Variants in GPHN observed in about 807,000 individuals in gnomAD.
The protein encoded by GPHN is gephyrin.
Under a neutral mutation model 95.5 loss-of-function variants are expected in GPHN, and 17 were observed. The observed-to-expected ratio is 0.18, with a 90% CI of 0.12 to 0.27. The LOEUF is 0.27. Among genes scored for constraint, GPHN ranks in the 10% least tolerant of loss-of-function variants. The pLI, the probability that GPHN is intolerant of heterozygous loss-of-function variation, is 1.00. For synonymous variants in GPHN, 320 were observed against 322.5 expected, an observed-to-expected ratio of 0.99 and a Z score of 0.08; for missense variants, 660 against 978.1, an observed-to-expected ratio of 0.67 and a Z score of 4.34.
chr14:67,017,115 A>G (rs1031702413), intron 9 of GPHN, among the ~76,000 whole-genome samples: 6 of 152,096 alleles, frequency 3.9e-5, no homozygotes, highest in African/African-American at 1.4e-4. Flanking sequence ...GCTGCCTTTC[A>G]TGTCATAAAA....
At chr14:66,717,208 T>C (rs1178025415) in intron 2 of GPHN, among the ~76,000 whole-genome samples, 5 of 152,200 alleles carry the variant, frequency 3.3e-5, no homozygotes, top group Non-Finnish European at 7.3e-5. Flanking sequence ...TATTTTTTCT[T>C]TGTCTTTGTA....
At chr14:66,990,710 A>T (rs1453435122) in intron 9 of GPHN, among the ~76,000 whole-genome samples, 1 of 152,128 alleles carries the variant, frequency 6.6e-6, no homozygotes, top group East Asian at 1.9e-4. Flanking sequence ...TGAAACACAG[A>T]TTATGTGGCC....
chr14:67,119,306 ATAGT>A (rs2078876580), intron 16 of GPHN, among the ~76,000 whole-genome samples: 1 of 152,254 alleles, frequency 6.6e-6, no homozygotes, highest in African/African-American at 2.4e-5. Flanking sequence ...TCAGAAGGAA[ATAGT>A]TTGTAGGCAA....
At chr14:67,067,503 G>C (rs1300913646) in intron 11 of GPHN, among the ~76,000 whole-genome samples, 1 of 152,216 alleles carries the variant, frequency 6.6e-6, no homozygotes. Flanking sequence ...AGACAGGGAC[G>C]TTTAAGTCTG....
chr14:67,580,116 C>T, the GPHN span: 8 of 464,266 alleles, frequency 1.7e-5, no homozygotes, highest in Non-Finnish European at 2.7e-5. Context: ...CCTCGAGTGG[C>T]TGTGCAGCGT....
In GPHN at chr14:66,669,225, G is replaced by A. The variant is rs550367804; in HGVS notation, c.65-11882G>A. Among the ~76,000 whole-genome samples the A allele has an allele frequency of 1.9e-4, 29 of 152,042 alleles. No homozygotes were observed. In the South Asian group the frequency reaches 2.9e-3, roughly 15 times the overall value. ...CTAAAACCACAAAAATTAGCTGGGC[G>A]TGGTGGCGCATGCCTGTAATCCCAG... On this transcript the variant is annotated intron_variant, in intron 1 of 22. Coordinates refer to ENST00000478722, the MANE Select transcript of GPHN (RefSeq NM_020806.5).
At chr14:67,502,280 G>A in the GPHN span, among the ~76,000 whole-genome samples, 1,668 of 151,390 alleles carry the variant, frequency 0.011, 18 homozygotes, top group East Asian at 0.073. Context: ...GCAGTGAGCC[G>A]AGATCGTGCC....
At chr14:66,942,590 GACATA>G (rs1236630885) in intron 8 of GPHN, among the ~76,000 whole-genome samples, 1 of 152,150 alleles carries the variant, frequency 6.6e-6, no homozygotes, top group Non-Finnish European at 1.5e-5. Context: ...ATAATAACTT[GACATA>G]ACAACCTTAA....
At chr14:67,179,749 G>A in intron 22 of GPHN, 75 bp downstream of exon 22, 1 of 816,674 alleles carries the variant, frequency 1.2e-6, no homozygotes, top group Non-Finnish European at 2.2e-6. Context: ...AATCTTCCTT[G>A]GTTATGACTG....
At chr14:67,114,524 C>G (rs898641741) in intron 16 of GPHN, among the ~76,000 whole-genome samples, 6 of 151,990 alleles carry the variant, frequency 3.9e-5, no homozygotes, top group African/African-American at 1.5e-4. Context: ...GACCCTGCCT[C>G]TACTAAAAAA....
the GPHN span, among the ~76,000 whole-genome samples, chr14:67,351,259 TA>T: frequency 6.6e-6 from 1 of 152,092 alleles, no homozygotes; most frequent in Non-Finnish European, 1.5e-5. Flanking sequence ...GGAAATTTAG[TA>T]AAGAGACCAC....
chr14:67,407,476 G>T, the GPHN span, among the ~76,000 whole-genome samples: 4 of 151,298 alleles, frequency 2.6e-5, no homozygotes, highest in African/African-American at 7.3e-5. Context: ...GGTCTCATTT[G>T]GTTGCCGAGG....
intron 3 of GPHN, among the ~76,000 whole-genome samples, chr14:66,798,121 A>G (rs1012387372): frequency 1.3e-5 from 2 of 152,058 alleles, no homozygotes; most frequent in East Asian, 3.9e-4. Flanking sequence ...ATGATGTATT[A>G]CATTGACTGA....
At chr14:67,198,079 CTTAA>C in the GPHN span, 8 of 1,511,464 alleles carry the variant, frequency 5.3e-6, no homozygotes, top group Non-Finnish European at 7.1e-6. Flanking sequence ...AATGAAGCAA[CTTAA>C]TTATGATATT....
chr14:66,678,148 G>T (rs1313699991), intron 1 of GPHN, among the ~76,000 whole-genome samples: 3 of 152,072 alleles, frequency 2.0e-5, no homozygotes, highest in African/African-American at 7.2e-5. Flanking sequence ...GATTTGGGAA[G>T]TTGTCAGCCA....
At chr14:66,849,899 C>T (rs1343612380) in intron 4 of GPHN, among the ~76,000 whole-genome samples, 1 of 152,030 alleles carries the variant, frequency 6.6e-6, no homozygotes, top group African/African-American at 2.4e-5. Flanking sequence ...CGTTAACATA[C>T]CAGTACTCAA....
intron 13 of GPHN, among the ~76,000 whole-genome samples, chr14:67,107,750 C>CG (rs1294726936): frequency 2.6e-5 from 4 of 152,090 alleles, no homozygotes; most frequent in East Asian, 1.9e-4. Flanking sequence ...GTTTGATCCC[C>CG]GGGGGGGCCA....
At chr14:67,361,863 C>A in the GPHN span, among the ~76,000 whole-genome samples, 2 of 152,146 alleles carry the variant, frequency 1.3e-5, no homozygotes. Flanking sequence ...AGCATTTGTT[C>A]TTAAGGAAGT....
intron 3 of GPHN, among the ~76,000 whole-genome samples, chr14:66,791,075 C>CCAA (rs2059953335): frequency 6.6e-6 from 1 of 152,168 alleles, no homozygotes; most frequent in Non-Finnish European, 1.5e-5. Flanking sequence ...GGCCTTGAAC[C>CCAA]CAAGTTCATT....
Sources: allele counts gnomAD v4.1 joint callset (sites outside exome capture counted in the v4.1 genomes callset), GRCh38; gene constraint gnomAD v4.1.1; transcripts MANE v1.5; gene names NCBI Gene and HGNC (gene_info 2026-07-23, HGNC 2026-07-21).